Variants in PCDH15 observed in about 807,000 individuals in gnomAD.
PCDH15 encodes the protein protocadherin-15.
In PCDH15, 129 loss-of-function variants were observed where a neutral mutation model predicts 178.5. That is an observed-to-expected ratio of 0.72 (90% CI 0.63 to 0.84). PCDH15 has a LOEUF of 0.84. Among genes scored for constraint, PCDH15 ranks in the 40% least tolerant of loss-of-function variants. The pLI, the probability that PCDH15 is intolerant of heterozygous loss-of-function variation, is 0.00. For missense variants in PCDH15, 2,230 were observed against 2,099.9 expected, an observed-to-expected ratio of 1.06 and a Z score of -1.21; for synonymous variants, 800 against 732.0, an observed-to-expected ratio of 1.09 and a Z score of -1.50.
chr10:55,321,207 A>C (rs1257510390), upstream of PCDH15, among the ~76,000 whole-genome samples: 1 of 152,152 alleles, frequency 6.6e-6, no homozygotes, highest in Admixed American at 6.5e-5. Flanking sequence ...CAGAATACAA[A>C]CACAAGTATT....
At position 54,975,697 on chromosome 10, in the gene PCDH15, C is replaced by G. The variant is rs141110326; in HGVS notation, c.-79-78197G>C. ...CTTCTAAAAAGTAAGGTCACAAAGT[C>G]TCTTAGTTAAGTGAGATATATCATA... On this transcript the variant is annotated intron_variant, in intron 2 of 5. Transcript: ENST00000458638. Among the ~76,000 whole-genome samples the G allele has an allele frequency of 1.8e-3, 267 of 152,128 alleles. 1 individual carries two copies. Among genetic ancestry groups the G allele is most frequent in the African/African-American group, 6.1e-3 (252 of 41,508 alleles).
At chr10:54,673,305 C>T (rs945310803) in intron 1 of PCDH15, among the ~76,000 whole-genome samples, 3 of 151,848 alleles carry the variant, frequency 2.0e-5, no homozygotes, top group South Asian at 2.1e-4. Context: ...CTCCCACTTA[C>T]GAGTGAGAAT....
At chr10:55,373,315 C>T (rs550435630) in intron 2 of PCDH15, among the ~76,000 whole-genome samples, 2 of 152,208 alleles carry the variant, frequency 1.3e-5, no homozygotes, top group South Asian at 4.1e-4. Flanking sequence ...TTGGGCACAA[C>T]AAGGTGAACT....
intron 2 of PCDH15, among the ~76,000 whole-genome samples, chr10:54,946,374 T>A (rs1164627370): frequency 4.6e-5 from 7 of 151,824 alleles, no homozygotes; most frequent in Admixed American, 4.6e-4. Context: ...ACGCCTTAAC[T>A]GTGCTCCTTG....
intron 3 of PCDH15, among the ~76,000 whole-genome samples, chr10:54,437,461 T>C (rs1412638170): frequency 6.6e-6 from 1 of 152,218 alleles, no homozygotes; most frequent in Non-Finnish European, 1.5e-5. Flanking sequence ...GGCTATTAAA[T>C]GTTATAAGTA....
intron 2 of PCDH15, among the ~76,000 whole-genome samples, chr10:55,596,823 A>G (rs766770377): frequency 6.6e-6 from 1 of 152,190 alleles, no homozygotes; most frequent in African/African-American, 2.4e-5. Context: ...GGAATATGAT[A>G]AAAATAAATC....
intron 3 of PCDH15, among the ~76,000 whole-genome samples, chr10:54,484,778 GA>G (rs1249058381): frequency 2.0e-5 from 3 of 151,690 alleles, no homozygotes; most frequent in Non-Finnish European, 2.9e-5. Context: ...AAAACAAAGG[GA>G]AAAAAGTACA....
At chr10:54,245,861 A>G (rs1310726586) in intron 8 of PCDH15, among the ~76,000 whole-genome samples, 1 of 152,032 alleles carries the variant, frequency 6.6e-6, no homozygotes, top group Non-Finnish European at 1.5e-5. Flanking sequence ...TGTGTTGAGA[A>G]GGATATTCAT....
chr10:54,321,772 T>TA (rs1249453504), intron 7 of PCDH15, among the ~76,000 whole-genome samples: 9 of 151,934 alleles, frequency 5.9e-5, no homozygotes, highest in African/African-American at 2.2e-4. Context: ...TGGGGAAAGA[T>TA]ATTGCTTACA....
At chr10:55,111,085 T>C (rs1162784325) in intron 2 of PCDH15, among the ~76,000 whole-genome samples, 1 of 152,112 alleles carries the variant, frequency 6.6e-6, no homozygotes, top group Non-Finnish European at 1.5e-5. Context: ...GACTATGAAA[T>C]AAAAACCTCT....
At chr10:54,172,088 G>A (rs552158765) in intron 13 of PCDH15, among the ~76,000 whole-genome samples, 9 of 152,176 alleles carry the variant, frequency 5.9e-5, no homozygotes, top group African/African-American at 1.4e-4. Context: ...CCAAGCCATC[G>A]CATCCCCTGT....
chr10:55,105,650 G>T (rs1382642694), intron 2 of PCDH15, among the ~76,000 whole-genome samples: 2 of 152,134 alleles, frequency 1.3e-5, no homozygotes, highest in African/African-American at 4.8e-5. Context: ...GAAAACTTAA[G>T]TCATAAGCAG....
At chr10:54,307,104 G>GTATATA (rs1170885233) in intron 8 of PCDH15, among the ~76,000 whole-genome samples, 293 of 26,530 alleles carry the variant, frequency 0.011, 59 homozygotes, top group Non-Finnish European at 0.016. Context: ...GTGTGTGTGT[G>GTATATA]TATATATATA....
intron 1 of PCDH15, among the ~76,000 whole-genome samples, chr10:55,205,108 G>C (rs1591988246): frequency 6.6e-6 from 1 of 151,870 alleles, no homozygotes; most frequent in Non-Finnish European, 1.5e-5. Flanking sequence ...GCAATTATAA[G>C]AAGTATAGTT....
chr10:55,329,908 G>T (rs1366549380), intron 2 of PCDH15, among the ~76,000 whole-genome samples: 3 of 151,464 alleles, frequency 2.0e-5, no homozygotes, highest in Admixed American at 6.6e-5. Context: ...GTTTAATTAG[G>T]GTAATAGAGA....
intron 8 of PCDH15, among the ~76,000 whole-genome samples, chr10:54,309,358 T>C (rs916819693): frequency 1.4e-5 from 2 of 142,008 alleles, no homozygotes; most frequent in Non-Finnish European, 3.1e-5. Context: ...CACACACACT[T>C]CACATATGTA....
chr10:53,954,624 A>C (rs2087430550), intron 23 of PCDH15, among the ~76,000 whole-genome samples: 3 of 152,186 alleles, frequency 2.0e-5, no homozygotes. Flanking sequence ...ACTTCTCAGA[A>C]AACTGGAGAA....
intron 15 of PCDH15, among the ~76,000 whole-genome samples, chr10:54,127,074 C>T (rs10825243): frequency 0.66 from 100,016 of 151,902 alleles, 34,124 homozygotes; most frequent in East Asian, 0.88. Flanking sequence ...TGTAAGTCCA[C>T]AGGTTAACAT....
chr10:55,234,180 T>A (rs2132202412), intron 1 of PCDH15, among the ~76,000 whole-genome samples: 1 of 152,226 alleles, frequency 6.6e-6, no homozygotes, highest in African/African-American at 2.4e-5. Context: ...GAGTTTCAAA[T>A]ATTAAATCAA....
Sources: gnomAD v4.1 joint callset for allele counts (sites outside exome capture counted in the v4.1 genomes callset) on GRCh38, gnomAD v4.1.1 for gene constraint, MANE v1.5 for transcripts, NCBI Gene and HGNC (gene_info 2026-07-23, HGNC 2026-07-21) for gene names.